The following GALNTL6 variants were observed in gnomAD, a reference collection of about 807,000 sequenced individuals.
The protein encoded by GALNTL6 is polypeptide N-acetylgalactosaminyltransferase-like 6.
GALNTL6 carries 46 observed loss-of-function variants against 73.7 expected under a neutral mutation model. The ratio of observed to expected loss-of-function variants is 0.62; its 90% CI spans 0.49 to 0.80. The LOEUF (loss-of-function observed/expected upper bound fraction) is 0.80. GALNTL6 is among the 30% of genes least tolerant of loss of function. GALNTL6 has a pLI of 0.00. For missense variants in GALNTL6, 604 were observed against 755.0 expected (o/e 0.80, Z 2.34); for synonymous variants, 259 against 263.7 (o/e 0.98, Z 0.17).
intron 5 of GALNTL6, among the ~76,000 whole-genome samples, chr4:172,374,726 A>G (rs1478567630): frequency 1.3e-5 from 2 of 152,176 alleles, no homozygotes; most frequent in Non-Finnish European, 2.9e-5. Context: ...TTCAGCTGTC[A>G]TTCTATCATT....
chr4:172,351,328 A>T (rs1432865388), intron 5 of GALNTL6, among the ~76,000 whole-genome samples: 1 of 152,094 alleles, frequency 6.6e-6, no homozygotes, highest in Non-Finnish European at 1.5e-5. Flanking sequence ...AGAAATTAGG[A>T]CTGCCTTAAC....
intron 2 of GALNTL6, among the ~76,000 whole-genome samples, chr4:172,107,320 G>A (rs1356388230): frequency 2.0e-5 from 3 of 152,146 alleles, no homozygotes; most frequent in African/African-American, 7.2e-5. Flanking sequence ...AACAAAATCA[G>A]ATAACTTATT....
intron 10 of GALNTL6, among the ~76,000 whole-genome samples, chr4:172,998,219 G>A (rs1418317429): frequency 1.3e-5 from 2 of 152,222 alleles, no homozygotes; most frequent in Non-Finnish European, 2.9e-5. Context: ...GACTAGCATG[G>A]AGCAATTAGA....
At chr4:172,316,118 C>T (rs895621825) in intron 4 of GALNTL6, among the ~76,000 whole-genome samples, 4 of 151,874 alleles carry the variant, frequency 2.6e-5, no homozygotes, top group Admixed American at 6.6e-5. Context: ...ACAAATACCC[C>T]GTAAACATGA....
chr4:171,954,740 G>C (rs1738991829), intron 2 of GALNTL6, among the ~76,000 whole-genome samples: 1 of 152,134 alleles, frequency 6.6e-6, no homozygotes, highest in South Asian at 2.1e-4. Flanking sequence ...AATGTTGGTG[G>C]AGGGGCATGG....
chr4:172,276,264 G>C (rs1039084001), intron 3 of GALNTL6, among the ~76,000 whole-genome samples: 52 of 152,170 alleles, frequency 3.4e-4, no homozygotes, highest in African/African-American at 1.2e-3. Flanking sequence ...ATGTTTCCTG[G>C]AGCCACGGCA....
At chr4:172,714,513 G>C (rs947989143) in intron 5 of GALNTL6, among the ~76,000 whole-genome samples, 4 of 152,158 alleles carry the variant, frequency 2.6e-5, no homozygotes, top group Non-Finnish European at 4.4e-5. Context: ...AATAGTGGTT[G>C]AACATGTATT....
At chr4:171,885,372 T>C (rs528582075) in intron 2 of GALNTL6, among the ~76,000 whole-genome samples, 1 of 152,310 alleles carries the variant, frequency 6.6e-6, no homozygotes, top group African/African-American at 2.4e-5. Flanking sequence ...TAGGAAAATA[T>C]TTTTGTCTAC....
chr4:172,765,267 A>G (rs1177523079), intron 5 of GALNTL6, among the ~76,000 whole-genome samples: 2 of 152,218 alleles, frequency 1.3e-5, no homozygotes, highest in Admixed American at 1.3e-4. Flanking sequence ...AAATGTCCCA[A>G]AATATAAAAT....
chr4:172,924,664 A>G (rs573494059), intron 8 of GALNTL6, among the ~76,000 whole-genome samples: 1 of 152,282 alleles, frequency 6.6e-6, no homozygotes, highest in Non-Finnish European at 1.5e-5. Flanking sequence ...AGCTCTGAGG[A>G]GGGAAACCTG....
At chr4:172,810,334 TA>T (rs768006892) in intron 6 of GALNTL6, among the ~76,000 whole-genome samples, 1 of 152,200 alleles carries the variant, frequency 6.6e-6, no homozygotes, top group Non-Finnish European at 1.5e-5. Context: ...AAGTAAAATA[TA>T]AAGTCCAGTT....
At chr4:173,018,841 T>G (rs1037498179) in intron 11 of GALNTL6, among the ~76,000 whole-genome samples, 3 of 152,220 alleles carry the variant, frequency 2.0e-5, no homozygotes, top group African/African-American at 7.2e-5. Context: ...GGAGCGTTCC[T>G]AAGAGGTCAA....
chr4:172,261,889 T>C (rs945797546), intron 3 of GALNTL6, among the ~76,000 whole-genome samples: 2 of 151,034 alleles, frequency 1.3e-5, no homozygotes, highest in Non-Finnish European at 3.0e-5. Flanking sequence ...TATTTATGTA[T>C]AATCTGCTGT....
At chr4:172,938,968 A>T (rs537602754) in intron 9 of GALNTL6, among the ~76,000 whole-genome samples, 4 of 152,316 alleles carry the variant, frequency 2.6e-5, no homozygotes, top group African/African-American at 9.6e-5. Flanking sequence ...ACATACTGCA[A>T]TTATATGTTT....
At chr4:172,028,674 T>A (rs1314455875) in intron 2 of GALNTL6, among the ~76,000 whole-genome samples, 1 of 152,072 alleles carries the variant, frequency 6.6e-6, no homozygotes, top group Non-Finnish European at 1.5e-5. Flanking sequence ...TGTACTCAAC[T>A]TCAATTCATG....
At chr4:172,413,433 C>T (rs540616651) in intron 5 of GALNTL6, among the ~76,000 whole-genome samples, 1 of 152,236 alleles carries the variant, frequency 6.6e-6, no homozygotes, top group South Asian at 2.1e-4. Flanking sequence ...TACTTGAAAG[C>T]AATTGTTCAT....
rs184741410 is a variant in GALNTL6, at chr4:172,485,391, C to T, written c.553+136702C>T. ...TGAGATAGAATACCAGAGTACATCTCGCATAATGTTACTATACAATACTAT... is the reference window on the plus strand; with the variant it reads ...TGAGATAGAATACCAGAGTACATCTTGCATAATGTTACTATACAATACTAT... On this transcript the variant is annotated intron_variant, in intron 5 of 12. Coordinates refer to ENST00000506823, the MANE Select transcript of GALNTL6 (RefSeq NM_001034845.3). 4.6e-5 allele frequency among the ~76,000 whole-genome samples: 7 copies of T among 152,138 alleles called. No homozygotes were observed. The East Asian group carries it at 9.7e-4, about 21-fold the overall frequency.
intron 2 of GALNTL6, among the ~76,000 whole-genome samples, chr4:172,128,776 G>T (rs1377677168): frequency 6.6e-6 from 1 of 152,110 alleles, no homozygotes; most frequent in Non-Finnish European, 1.5e-5. Flanking sequence ...TTTGTTGTTT[G>T]CCAGTCTGGT....
At chr4:172,383,488 A>T (rs926023560) in intron 5 of GALNTL6, among the ~76,000 whole-genome samples, 18 of 152,262 alleles carry the variant, frequency 1.2e-4, no homozygotes, top group Middle Eastern at 3.4e-3. Flanking sequence ...TATTAGTTCT[A>T]ATTTTTGTGT....
Sources: gnomAD v4.1 joint callset for allele counts (sites outside exome capture counted in the v4.1 genomes callset) on GRCh38, gnomAD v4.1.1 for gene constraint, MANE v1.5 for transcripts, NCBI Gene and HGNC (gene_info 2026-07-23, HGNC 2026-07-21) for gene names.